Variants in DCST1 observed in about 807,000 individuals in gnomAD.
DCST1 encodes E3 ubiquitin-protein ligase DCST1.
DCST1 carries 78 observed loss-of-function variants against 89.1 expected under a neutral mutation model. The observed-to-expected ratio is 0.88, with a 90% CI of 0.73 to 1.06. DCST1 has a LOEUF of 1.06. Among genes scored for constraint, DCST1 ranks in the 50% least tolerant of loss-of-function variants. The pLI is 0.00. For missense variants in DCST1, 900 were observed against 928.6 expected, an observed-to-expected ratio of 0.97 and a Z score of 0.40; for synonymous variants, 364 against 371.9, an observed-to-expected ratio of 0.98 and a Z score of 0.24.
Position 155,045,900 on chromosome 1 carries a change from T to C in DCST1, c.1180T>C (p.Ser394Pro), listed in dbSNP as rs1186744470. ...TFLLVLHASF[S>P]YMDSYNHDIR... ...CTGCCCATCCACCCACAGGTCTTTC[T>C]CCTACATGGACAGCTATAACCATGA... is the stretch of plus-strand genomic sequence containing the variant. The change falls in exon 11 of 17, where the codon TCC becomes CCC. Residue 394 changes from serine (S) to proline (P), a missense_variant. Coordinates refer to ENST00000295542, the MANE Select transcript of DCST1 (RefSeq NM_152494.4). 2 of 1,614,018 alleles carry C rather than the reference T, an allele frequency of 1.2e-6. No homozygotes were observed. The highest frequency in any genetic ancestry group is 1.7e-6 in the Non-Finnish European group (2 of 1,179,854).
Position 155,046,233 on chromosome 1 carries a change from T to C in DCST1, c.1368+13T>C, listed in dbSNP as rs2102361039. 4 of 1,614,140 alleles carry C rather than the reference T, an allele frequency of 2.5e-6. No homozygotes were observed. The highest frequency in any genetic ancestry group is 1.1e-5 in the South Asian group (1 of 91,084). ...AATGAGCAATGTGGTGAGGACAGCA[T>C]GGGGAGCGGACTCCTGGGTGCAAAG... On this transcript the variant is annotated intron_variant, in intron 12 of 16. Transcript: ENST00000295542.
At position 155,046,178 on chromosome 1, in the gene DCST1, C is replaced by T. The variant is rs1660616627; in HGVS notation, c.1326C>T (p.Phe442=). Residue 442 remains phenylalanine, a synonymous_variant, in exon 12 of 17, where the codon TTC becomes TTT. Transcript: ENST00000295542. ...AAGCTGAGGAGAAAACCGTCATCTT[C>T]CCTTGCAAGCCCACCATCCAGGCCT... ...LRKAEEKTVI[F]PCKPTIQASE... is the part of the protein sequence containing the mutation. 2 of 1,614,210 alleles carry T rather than the reference C, an allele frequency of 1.2e-6. No homozygotes were observed. Among genetic ancestry groups the T allele is most frequent in the South Asian group, 2.2e-5 (2 of 91,080 alleles).
Position 155,046,356 on chromosome 1 carries a change from C to G in DCST1, c.1369-4C>G. On this transcript the variant is annotated splice_polypyrimidine_tract_variant and splice_region_variant and intron_variant, in intron 12 of 16. Transcript: ENST00000295542. ...CAGCTCTGCCCCTCCTGCTCCTTGG[C>G]CAGGTGAGGGAGCTCCTGGAGACAC... The G allele has an allele frequency of 6.2e-7, 1 of 1,614,106 alleles. No homozygotes were observed. The highest frequency in any genetic ancestry group is 8.5e-7 in the Non-Finnish European group (1 of 1,180,000).
chr1:155,044,893 A>G (rs1386200386), intron 10 of DCST1, among the ~76,000 whole-genome samples: 1 of 152,206 alleles, frequency 6.6e-6, no homozygotes, highest in Non-Finnish European at 1.5e-5. Flanking sequence ...CATGGCAGGA[A>G]GATGGCTTGA....
At chr1:155,050,156 TGTC>T (rs1660849979) in intron 16 of DCST1, among the ~76,000 whole-genome samples, 1 of 152,090 alleles carries the variant, frequency 6.6e-6, no homozygotes, top group African/African-American at 2.4e-5. Context: ...TGTAGAGACA[TGTC>T]GTGAGGGATG....
chr1:155,048,701 C>T (rs1660744405), intron 16 of DCST1, among the ~76,000 whole-genome samples: 1 of 152,192 alleles, frequency 6.6e-6, no homozygotes, highest in Non-Finnish European at 1.5e-5. Flanking sequence ...TCAGCCCAGC[C>T]TAAGACACTC....
chr1:155,046,059 G>A, intron 11 of DCST1, 66 bp from the exon 12 acceptor site: 1 of 1,613,786 alleles, frequency 6.2e-7, no homozygotes, highest in Admixed American at 1.7e-5. Context: ...TCATGCTCCA[G>A]GAAGGCAGAG....
At chr1:155,042,617 G>A (rs548248402) in intron 8 of DCST1, 118 bp from the exon 9 acceptor site, 178 of 1,406,994 alleles carry the variant, frequency 1.3e-4, no homozygotes, top group Admixed American at 2.8e-4. Context: ...GTGGTAGCAA[G>A]CCATGGGCAG....
At chr1:155,043,633 C>T in intron 10 of DCST1, 124 bp downstream of exon 10, 2 of 1,223,816 alleles carry the variant, frequency 1.6e-6, no homozygotes, top group Non-Finnish European at 1.1e-6. Flanking sequence ...TATTATTTAC[C>T]TTTGTCTTTG....
intron 4 of DCST1, among the ~76,000 whole-genome samples, chr1:155,036,659 G>A (rs1660284987): frequency 1.3e-5 from 2 of 152,258 alleles, no homozygotes; most frequent in Admixed American, 1.3e-4. Flanking sequence ...AAAGTCTTAA[G>A]TCACTAATGC....
At chr1:155,042,713 G>A (rs1485226334) in intron 8 of DCST1, 22 bp from the exon 9 acceptor site, 2 of 1,613,786 alleles carry the variant, frequency 1.2e-6, no homozygotes, top group Non-Finnish European at 1.7e-6. Context: ...GGAGGCCCCT[G>A]ACCCCGTCCA....
intron 5 of DCST1, among the ~76,000 whole-genome samples, chr1:155,039,989 TCA>T (rs1491269415): frequency 1.1e-4 from 4 of 37,186 alleles, no homozygotes; most frequent in Non-Finnish European, 1.8e-4. Flanking sequence ...AGACTCCGTC[TCA>T]AAAAAAAAAA....
intron 8 of DCST1, among the ~76,000 whole-genome samples, chr1:155,042,485 C>G (rs924953726): frequency 1.3e-5 from 2 of 152,188 alleles, no homozygotes; most frequent in African/African-American, 4.8e-5. Flanking sequence ...TCTGTAAACG[C>G]TGGCTCTCCT....
chr1:155,048,063 A>C lies in DCST1; in HGVS notation c.1762A>C (p.Lys588Gln), dbSNP rs761325495. 3.7e-6 allele frequency: 6 copies of C among 1,613,806 alleles called. No homozygotes were observed. Among genetic ancestry groups the C allele is most frequent in the South Asian group, 1.1e-5 (1 of 91,040 alleles). ...ACCCCCTTCCTGCCCCCAGCGAGAG[A>C]AGAAGCGGATCCTGTTCCTCTACAA... is the stretch of plus-strand genomic sequence containing the variant. ...IAAFYFPKRE[K>Q]KRILFLYNDL... The change falls in exon 16 of 17, where the codon AAG (lysine) becomes CAG (glutamine). Residue 588 changes from lysine (K) to glutamine (Q), a missense_variant. Coordinates refer to ENST00000295542, the MANE Select transcript of DCST1 (RefSeq NM_152494.4).
intron 2 of DCST1, 31 bp from the exon 3 acceptor site, chr1:155,034,404 G>A (rs751436909): frequency 6.8e-6 from 11 of 1,613,696 alleles, no homozygotes; most frequent in South Asian, 4.4e-5. Context: ...GCAGAAGAGT[G>A]GGCTGTTGAG....
Position 155,045,952 on chromosome 1 carries a change from G to A in DCST1, c.1232G>A (p.Ser411Asn), listed in dbSNP as rs749395235. 2 of 1,614,216 alleles carry A rather than the reference G, an allele frequency of 1.2e-6. No individual in the cohort carries two copies. Among genetic ancestry groups the A allele is most frequent in the Non-Finnish European group, 8.5e-7 (1 of 1,180,044 alleles). The change falls in exon 11 of 17, where the codon AGT becomes AAT. Residue 411 changes from serine to asparagine, a missense_variant. Coordinates refer to ENST00000295542, the MANE Select transcript of DCST1 (RefSeq NM_152494.4). ...ATTCGTTTTGACAACATCTACATCA[G>A]TACCTACTTCTGCCAGATCGATGAC... is the stretch of plus-strand genomic sequence containing the variant. ...HDIRFDNIYISTYFCQIDDRR... is the reference protein window; with the variant it reads ...HDIRFDNIYINTYFCQIDDRR...
intron 16 of DCST1, chr1:155,049,082 G>C (rs758736937): frequency 8.4e-6 from 6 of 716,866 alleles, no homozygotes; most frequent in Non-Finnish European, 1.6e-5. Flanking sequence ...AGCCTAGAGT[G>C]GTGGTCAGGT....
chr1:155,036,914 G>A (rs1660294658), intron 4 of DCST1, among the ~76,000 whole-genome samples: 1 of 152,258 alleles, frequency 6.6e-6, no homozygotes, highest in South Asian at 2.1e-4. Flanking sequence ...GCCCTGCCAG[G>A]CAGAGAAAGC....
chr1:155,040,445 G>A, intron 5 of DCST1, 40 bp from the exon 6 acceptor site: 1 of 1,574,894 alleles, frequency 6.3e-7, no homozygotes, highest in Non-Finnish European at 8.6e-7. Flanking sequence ...GAAAGTGCTG[G>A]TTATACAGGG....
Sources: gnomAD v4.1 joint callset for allele counts (sites outside exome capture counted in the v4.1 genomes callset) on GRCh38, gnomAD v4.1.1 for gene constraint, MANE v1.5 for transcripts, NCBI Gene and HGNC (gene_info 2026-07-23, HGNC 2026-07-21) for gene names.